The following KIAA1671 variants were observed in gnomAD, a reference collection of about 807,000 sequenced individuals.
KIAA1671 encodes uncharacterized protein KIAA1671.
A neutral mutation model predicts 131.2 loss-of-function variants in KIAA1671; 52 were observed. The ratio of observed to expected loss-of-function variants is 0.40; its 90% CI spans 0.32 to 0.50. The LOEUF is 0.50. Ranked by LOEUF, KIAA1671 falls within the 20% of genes least tolerant of loss-of-function variation. The pLI, the probability that KIAA1671 is intolerant of heterozygous loss-of-function variation, is 0.73. For missense variants in KIAA1671, 2,360 were observed against 2,364.2 expected (o/e 1.00, Z 0.04); for synonymous variants, 1,003 against 961.6 (o/e 1.04, Z -0.80).
At chr22:25,156,834 T>C (rs1933262141) in intron 6 of KIAA1671, among the ~76,000 whole-genome samples, 1 of 152,150 alleles carries the variant, frequency 6.6e-6, no homozygotes, top group South Asian at 2.1e-4. Context: ...GGCAGTGTTC[T>C]GGCAGGGAGA....
chr22:25,043,491 G>A (rs16979464), intron 5 of KIAA1671, among the ~76,000 whole-genome samples: 36,381 of 152,090 alleles, frequency 0.24, 6,345 homozygotes, highest in African/African-American at 0.49. Flanking sequence ...TTACCCAACT[G>A]GGCCATATTC....
At chr22:25,077,278 A>G (rs1380199162) in intron 6 of KIAA1671, among the ~76,000 whole-genome samples, 1 of 152,106 alleles carries the variant, frequency 6.6e-6, no homozygotes, top group South Asian at 2.1e-4. Flanking sequence ...TTCCCTCTCT[A>G]TAAGTGGCAG....
rs1337161434 is a variant in KIAA1671, at chr22:24,952,729, T to C, written c.-251T>C. ...GGCTCCCAGGGCAGGTGCCGCGGGC[T>C]GCGGGCAGGTGGCGGCGCGGCGCGG... On this transcript the variant is annotated 5_prime_UTR_variant, in exon 1 of 13. Coordinates refer to ENST00000358431, the MANE Select transcript of KIAA1671 (RefSeq NM_001145206.2). The surrounding 1 kb of genome is among the most constrained non-coding windows in gnomAD (Gnocchi z 4.5). 1.3e-5 allele frequency: 2 copies of C among 154,450 alleles called. No individual in the cohort carries two copies. Among genetic ancestry groups the C allele is most frequent in the African/African-American group, 4.8e-5 (2 of 41,380 alleles). 9.6% of individuals were successfully genotyped at this position (154,450 alleles called of 1,614,324 possible).
chr22:25,016,559 C>T (rs1362642685), intron 1 of KIAA1671, among the ~76,000 whole-genome samples: 6 of 152,250 alleles, frequency 3.9e-5, no homozygotes, highest in South Asian at 4.2e-4. Context: ...GGCCCAAAGC[C>T]GTCACTGCAG....
chr22:25,061,641 A>C (rs1053016393), intron 6 of KIAA1671: 1 of 152,248 alleles, frequency 6.6e-6, no homozygotes, highest in African/African-American at 2.4e-5. Flanking sequence ...TTTATGTCTG[A>C]AGAAACCGAG....
At chr22:25,068,910 C>T (rs1484140265) in intron 6 of KIAA1671, among the ~76,000 whole-genome samples, 1 of 152,220 alleles carries the variant, frequency 6.6e-6, no homozygotes, top group African/African-American at 2.4e-5. Context: ...CCTGGTGCCT[C>T]TGTGAACACC....
At chr22:25,088,031 A>T (rs1260091466) in intron 6 of KIAA1671, among the ~76,000 whole-genome samples, 1 of 152,126 alleles carries the variant, frequency 6.6e-6, no homozygotes, top group Non-Finnish European at 1.5e-5. Context: ...GTGAGTGGTC[A>T]TTTGGTAAAA....
At chr22:24,976,729 TG>T (rs994723345) in intron 1 of KIAA1671, among the ~76,000 whole-genome samples, 1 of 152,154 alleles carries the variant, frequency 6.6e-6, no homozygotes, top group Non-Finnish European at 1.5e-5. Context: ...GCTGAGCCCA[TG>T]GGGGACCTAC....
At chr22:24,983,252 G>T (rs528139778) in intron 1 of KIAA1671, among the ~76,000 whole-genome samples, 3 of 152,156 alleles carry the variant, frequency 2.0e-5, no homozygotes, top group Non-Finnish European at 4.4e-5. Context: ...TGTGTTTTCC[G>T]ACTTTCTTGA....
At chr22:25,082,219 G>A (rs1929448732) in intron 6 of KIAA1671, among the ~76,000 whole-genome samples, 1 of 152,138 alleles carries the variant, frequency 6.6e-6, no homozygotes, top group African/African-American at 2.4e-5. Flanking sequence ...CCCCCTCTGG[G>A]CCCAGCATCT....
intron 6 of KIAA1671, among the ~76,000 whole-genome samples, chr22:25,118,885 C>T (rs2145925644): frequency 6.6e-6 from 1 of 152,298 alleles, no homozygotes; most frequent in Admixed American, 6.5e-5. Flanking sequence ...ATCACCATTC[C>T]CTCTGCTGAA....
chr22:25,031,032 A>C (rs977912654), intron 3 of KIAA1671, among the ~76,000 whole-genome samples: 5 of 151,850 alleles, frequency 3.3e-5, no homozygotes, highest in African/African-American at 1.2e-4. Flanking sequence ...TTTTTATTTT[A>C]TTTTTTATTT....
At position 25,155,568 on chromosome 22, in the gene KIAA1671, TTGTG is replaced by T. The variant is rs1462504089; in HGVS notation, c.4531-15246_4531-15243del. On this transcript the variant is annotated intron_variant, in intron 6 of 12. Coordinates refer to ENST00000358431, the MANE Select transcript of KIAA1671 (RefSeq NM_001145206.2). ...TATGTGTGTGCATTGGTGTAGATGTTTGTGTGTGTACATTTGTGCATGTGTATGT... is the reference window on the plus strand; with the variant it reads ...TATGTGTGTGCATTGGTGTAGATGTTTGTGTACATTTGTGCATGTGTATGT... 1.3e-4 allele frequency among the ~76,000 whole-genome samples: 10 copies of T among 78,794 alleles called. No individual in the cohort carries two copies. The East Asian group carries it at 2.6e-3, about 20-fold the overall frequency. The allele number at this position is 78,794 out of a possible 152,430, so 51.7% of individuals were successfully genotyped here. A position where few individuals can be genotyped will look rare whatever the true frequency, so the allele number is the denominator to read the frequency against.
At chr22:25,132,396 G>C (rs988848234) in intron 6 of KIAA1671, among the ~76,000 whole-genome samples, 1 of 152,148 alleles carries the variant, frequency 6.6e-6, no homozygotes, top group South Asian at 2.1e-4. Flanking sequence ...GGGTCAGGGG[G>C]CATAGCAGAA....
intron 6 of KIAA1671, among the ~76,000 whole-genome samples, chr22:25,136,657 G>A (rs1361661520): frequency 1.3e-5 from 2 of 152,184 alleles, no homozygotes; most frequent in East Asian, 3.8e-4. Flanking sequence ...TCTTCTGCAT[G>A]TCAGCATTTC....
rs1930256842 is a variant in KIAA1671 at position 25,093,844 on chromosome 22, C to CTCTG, written c.4530+44483_4530+44484insGTCT. Among the ~76,000 whole-genome samples, 25 of 90,600 alleles carry CTCTG rather than the reference C, an allele frequency of 2.8e-4. 1 individual carries two copies. The highest frequency in any genetic ancestry group is 9.1e-4 in the South Asian group (2 of 2,206). The allele number at this position is 90,600 out of a possible 152,430, so 59.4% of individuals were successfully genotyped here. On this transcript the variant is annotated intron_variant, in intron 6 of 12. Transcript: ENST00000358431. ...TCTCTTTCTCTCTCTGTCTGTCTCT[C>CTCTG]TCTCTCTCTCTCTCTCTCTCTCTCT...
chr22:25,109,450 C>G (rs1354327256), intron 6 of KIAA1671, among the ~76,000 whole-genome samples: 1 of 152,006 alleles, frequency 6.6e-6, no homozygotes, highest in Non-Finnish European at 1.5e-5. Context: ...CGCGCCCGGC[C>G]CATCACTTCT....
intron 6 of KIAA1671, among the ~76,000 whole-genome samples, chr22:25,093,881 T>C (rs1001804079): frequency 4.2e-5 from 6 of 142,978 alleles, no homozygotes; most frequent in African/African-American, 1.6e-4. Context: ...TCTCTCTCTC[T>C]CTCTCCCTTC....
intron 6 of KIAA1671, among the ~76,000 whole-genome samples, chr22:25,160,215 T>C (rs1038594211): frequency 6.6e-6 from 1 of 151,822 alleles, no homozygotes; most frequent in African/African-American, 2.4e-5. Flanking sequence ...ATCTAGGGAG[T>C]GGAGCCGGAG....
Sources: gnomAD v4.1 joint callset for allele counts (sites outside exome capture counted in the v4.1 genomes callset) on GRCh38, gnomAD v4.1.1 for gene constraint, Gnocchi (gnomAD v3.1) non-coding constraint, MANE v1.5 for transcripts, NCBI Gene and HGNC (gene_info 2026-07-23, HGNC 2026-07-21) for gene names.